GRIN2B: variants seen among roughly 807,000 people sequenced by gnomAD.
GRIN2B encodes glutamate ionotropic receptor NMDA type subunit 2B.
GRIN2B carries 5 observed loss-of-function variants against 114.5 expected under a neutral mutation model. The ratio of observed to expected loss-of-function variants is 0.04; its 90% CI spans 0.02 to 0.09. The LOEUF is 0.09. GRIN2B is among the 10% of genes least tolerant of loss of function. The probability of loss-of-function intolerance (pLI) is 1.00; values close to 1 mark genes in which losing one functional copy is unlikely to be tolerated. For missense variants in GRIN2B, 1,108 were observed against 1,943.5 expected, an observed-to-expected ratio of 0.57 and a Z score of 8.08; for synonymous variants, 787 against 745.1, an observed-to-expected ratio of 1.06 and a Z score of -0.92.
At chr12:13,845,216 CATCT>C (rs923462056) in intron 3 of GRIN2B, among the ~76,000 whole-genome samples, 1 of 152,122 alleles carries the variant, frequency 6.6e-6, no homozygotes. Context: ...ATTTTCTTTC[CATCT>C]GTCTGCCTAC....
intron 3 of GRIN2B, among the ~76,000 whole-genome samples, chr12:13,770,721 T>C (rs1380929686): frequency 6.6e-6 from 1 of 152,146 alleles, no homozygotes; most frequent in African/African-American, 2.4e-5. Context: ...CCTGTGTCCA[T>C]GTGTTCTCAT....
intron 2 of GRIN2B, among the ~76,000 whole-genome samples, chr12:13,891,108 G>T (rs1382992476): frequency 6.6e-6 from 1 of 152,108 alleles, no homozygotes; most frequent in Non-Finnish European, 1.5e-5. Flanking sequence ...TTTCATTTGT[G>T]CAATGCCCTG....
chr12:13,717,291 C>T (rs975514213), intron 4 of GRIN2B, among the ~76,000 whole-genome samples: 2 of 151,452 alleles, frequency 1.3e-5, no homozygotes, highest in South Asian at 2.1e-4. Context: ...AGAAAACAGG[C>T]AATTCTGGGT....
chr12:13,791,451 CA>C (rs1234086791), intron 3 of GRIN2B, among the ~76,000 whole-genome samples: 15 of 106,708 alleles, frequency 1.4e-4, no homozygotes, highest in South Asian at 3.2e-4. Context: ...GACTCTGTCT[CA>C]AAAAAAAAAA....
intron 2 of GRIN2B, among the ~76,000 whole-genome samples, chr12:13,955,233 A>T (rs1867568465): frequency 6.6e-6 from 1 of 152,218 alleles, no homozygotes; most frequent in Admixed American, 6.5e-5. Flanking sequence ...AATGGGTTAC[A>T]TATTTATTTA....
intron 3 of GRIN2B, among the ~76,000 whole-genome samples, chr12:13,764,838 G>C (rs1863750115): frequency 6.6e-6 from 1 of 152,184 alleles, no homozygotes; most frequent in Non-Finnish European, 1.5e-5. Flanking sequence ...AAGGAAACTC[G>C]GGGCTTATTC....
chr12:13,889,574 C>T (rs376952843), intron 2 of GRIN2B, among the ~76,000 whole-genome samples: 10 of 152,186 alleles, frequency 6.6e-5, no homozygotes, highest in African/African-American at 2.2e-4. Flanking sequence ...GGACAAATCA[C>T]GAGCAAGAGG....
chr12:13,713,220 T>C (rs193278704), intron 4 of GRIN2B, among the ~76,000 whole-genome samples: 151 of 152,042 alleles, frequency 9.9e-4, no homozygotes, highest in African/African-American at 2.7e-3. Flanking sequence ...ATGACTTTTT[T>C]CCCCTACTCT....
At chr12:13,624,360 T>C (rs970549259) in intron 5 of GRIN2B, among the ~76,000 whole-genome samples, 2 of 152,172 alleles carry the variant, frequency 1.3e-5, no homozygotes, top group Non-Finnish European at 2.9e-5. Context: ...ATGAAAAGGA[T>C]GTAAGATGTA....
intron 9 of GRIN2B, among the ~76,000 whole-genome samples, chr12:13,609,742 C>T (rs1949338904): frequency 2.0e-5 from 3 of 149,066 alleles, no homozygotes; most frequent in African/African-American, 7.5e-5. Flanking sequence ...CACTGCACTC[C>T]AGCCTGGGCA....
chr12:13,885,952 T>G (rs2136770310), intron 2 of GRIN2B, among the ~76,000 whole-genome samples: 1 of 152,316 alleles, frequency 6.6e-6, no homozygotes, highest in South Asian at 2.1e-4. Context: ...CCAGGTGATG[T>G]GGAACACCTG....
chr12:13,838,570 T>C (rs1357590008), intron 3 of GRIN2B, among the ~76,000 whole-genome samples: 3 of 152,154 alleles, frequency 2.0e-5, no homozygotes, highest in Non-Finnish European at 2.9e-5. Flanking sequence ...ACACTATCTG[T>C]CTCTTCCTGT....
chr12:13,980,589 G>A (rs1187772317), intron 1 of GRIN2B, among the ~76,000 whole-genome samples: 2 of 152,024 alleles, frequency 1.3e-5, no homozygotes, highest in East Asian at 3.9e-4. Context: ...AGGTGGGAAA[G>A]CCAACCTGAA....
chr12:13,626,524 CTG>C (rs1949568681), intron 5 of GRIN2B, among the ~76,000 whole-genome samples: 1 of 152,020 alleles, frequency 6.6e-6, no homozygotes, highest in African/African-American at 2.4e-5. Flanking sequence ...CTGTGACTCT[CTG>C]GATTTGAGCA....
chr12:13,572,672 G>C (rs973474855), intron 10 of GRIN2B, among the ~76,000 whole-genome samples: 8 of 152,008 alleles, frequency 5.3e-5, no homozygotes, highest in African/African-American at 1.9e-4. Flanking sequence ...TTTATTTCTG[G>C]CTATCACCCT....
chr12:13,614,754 T>C (rs1949413875), intron 8 of GRIN2B, among the ~76,000 whole-genome samples: 1 of 152,186 alleles, frequency 6.6e-6, no homozygotes, highest in South Asian at 2.1e-4. Flanking sequence ...GTCTCAGAGA[T>C]CAGCCTGGTT....
intron 3 of GRIN2B, among the ~76,000 whole-genome samples, chr12:13,805,298 A>G (rs1359618457): frequency 1.3e-5 from 2 of 152,120 alleles, no homozygotes; most frequent in Non-Finnish European, 2.9e-5. Context: ...AGATTAACCT[A>G]CCTCACCGTA....
At chr12:13,603,526 A>C (rs993470403) in intron 10 of GRIN2B, among the ~76,000 whole-genome samples, 1 of 152,148 alleles carries the variant, frequency 6.6e-6, no homozygotes, top group African/African-American at 2.4e-5. Flanking sequence ...ATATAAGATA[A>C]TCTATGAAAT....
chr12:13,954,557 C>A, intron 2 of GRIN2B, among the ~76,000 whole-genome samples: 1 of 152,020 alleles, frequency 6.6e-6, no homozygotes, highest in East Asian at 1.9e-4. Context: ...GTACTGTAAT[C>A]CCAGCACTTT....
Sources: allele counts gnomAD v4.1 joint callset (sites outside exome capture counted in the v4.1 genomes callset), GRCh38; gene constraint gnomAD v4.1.1; transcripts MANE v1.5; gene names NCBI Gene and HGNC (gene_info 2026-07-23, HGNC 2026-07-21).